The following PDSS2 variants were observed in gnomAD, a reference collection of about 807,000 sequenced individuals.
PDSS2 encodes decaprenyl diphosphate synthase subunit 2, also known as all trans-polyprenyl-diphosphate synthase PDSS2.
PDSS2 carries 31 observed loss-of-function variants against 44.5 expected under a neutral mutation model. That is an observed-to-expected ratio of 0.70 (90% CI 0.52 to 0.94). The LOEUF (loss-of-function observed/expected upper bound fraction) is 0.94. Among genes scored for constraint, PDSS2 ranks in the 40% least tolerant of loss-of-function variants. PDSS2 has a pLI of 0.00. For missense variants in PDSS2, 452 were observed against 482.2 expected (o/e 0.94, Z 0.59); for synonymous variants, 157 against 180.3 (o/e 0.87, Z 1.03).
chr6:107,377,581 G>A (rs138744262), intron 1 of PDSS2, among the ~76,000 whole-genome samples: 7,340 of 152,036 alleles, frequency 0.048, 349 homozygotes, highest in African/African-American at 0.12. Context: ...AAAGACACAC[G>A]CACACATATG....
intron 1 of PDSS2, among the ~76,000 whole-genome samples, chr6:107,353,247 T>C (rs796644817): frequency 6.6e-6 from 1 of 152,304 alleles, no homozygotes; most frequent in African/African-American, 2.4e-5. Context: ...AAACAACACA[T>C]GTGGATGTAC....
intron 1 of PDSS2, among the ~76,000 whole-genome samples, chr6:107,342,681 T>C (rs1286565656): frequency 6.6e-6 from 1 of 152,206 alleles, no homozygotes; most frequent in Non-Finnish European, 1.5e-5. Flanking sequence ...ATAAGTGTAC[T>C]TCCAGACAGA....
chr6:107,260,189 G>C (rs1389645653), intron 3 of PDSS2, among the ~76,000 whole-genome samples: 5 of 152,178 alleles, frequency 3.3e-5, no homozygotes, highest in Non-Finnish European at 7.3e-5. Flanking sequence ...GACCTGTTGG[G>C]CTAATGGCCT....
At chr6:107,429,901 A>AAATATAT (rs1166637352) in intron 1 of PDSS2, among the ~76,000 whole-genome samples, 5 of 31,840 alleles carry the variant, frequency 1.6e-4, no homozygotes, top group African/African-American at 5.0e-4. Flanking sequence ...AAAAAAAAAA[A>AAATATAT]ATATATATAT....
intron 2 of PDSS2, among the ~76,000 whole-genome samples, chr6:107,321,345 A>G (rs1777376171): frequency 6.6e-6 from 1 of 152,212 alleles, no homozygotes; most frequent in African/African-American, 2.4e-5. Flanking sequence ...AGGTTGGAAG[A>G]TGATTAAGAC....
intron 2 of PDSS2, among the ~76,000 whole-genome samples, chr6:107,314,217 T>TCA (rs112547874): frequency 9.1e-4 from 137 of 150,946 alleles, no homozygotes; most frequent in East Asian, 1.9e-3. Context: ...TGGAGATGAT[T>TCA]CACACACACA....
chr6:107,185,987 T>C (rs975511171), intron 7 of PDSS2, among the ~76,000 whole-genome samples: 4 of 152,250 alleles, frequency 2.6e-5, no homozygotes, highest in Non-Finnish European at 5.9e-5. Flanking sequence ...CTAATACAAC[T>C]TCTGCAGTTT....
intron 2 of PDSS2, among the ~76,000 whole-genome samples, chr6:107,324,036 G>C (rs377008071): frequency 6.6e-6 from 1 of 152,260 alleles, no homozygotes; most frequent in East Asian, 1.9e-4. Context: ...AAGCTCTGGT[G>C]AAGTAATGAC....
At chr6:107,380,926 C>G (rs1779435672) in intron 1 of PDSS2, among the ~76,000 whole-genome samples, 1 of 152,024 alleles carries the variant, frequency 6.6e-6, no homozygotes, top group Non-Finnish European at 1.5e-5. Context: ...TCTTTCTTTC[C>G]TCAAAAGTAG....
chr6:107,329,039 C>T lies in PDSS2; in HGVS notation c.431+5159G>A, dbSNP rs74943497. ...CTTTCCCTCTCAGCTTTTGCCTAGA[C>T]GACTTCACTAATTCCCTGGCTGACT... On this transcript the variant is annotated intron_variant, in intron 2 of 7. Transcript: ENST00000369037. 2.5e-3 allele frequency among the ~76,000 whole-genome samples: 379 copies of T among 152,332 alleles called. 5 individuals carry two copies. The highest frequency in any genetic ancestry group is 8.9e-3 in the African/African-American group (368 of 41,574).
chr6:107,374,253 C>CAAAAAA (rs3033569), intron 1 of PDSS2, among the ~76,000 whole-genome samples: 16 of 70,406 alleles, frequency 2.3e-4, no homozygotes, highest in East Asian at 6.3e-4. Context: ...GACTCCATCA[C>CAAAAAA]AAAAAAAAAA....
At chr6:107,307,164 G>T (rs565534425) in intron 2 of PDSS2, among the ~76,000 whole-genome samples, 1 of 152,176 alleles carries the variant, frequency 6.6e-6, no homozygotes, top group African/African-American at 2.4e-5. Context: ...ACTTTAGAAG[G>T]ATGTCCAAAT....
At chr6:107,370,661 C>A (rs1411481741) in intron 1 of PDSS2, among the ~76,000 whole-genome samples, 1 of 152,128 alleles carries the variant, frequency 6.6e-6, no homozygotes, top group Admixed American at 6.5e-5. Flanking sequence ...GCAGGATATT[C>A]AAGTATCAAT....
At chr6:107,426,931 C>CT (rs1249518598) in intron 1 of PDSS2, among the ~76,000 whole-genome samples, 1 of 152,024 alleles carries the variant, frequency 6.6e-6, no homozygotes, top group Admixed American at 6.6e-5. Context: ...AGATGAGTTA[C>CT]TGGACTGTGG....
intron 1 of PDSS2, among the ~76,000 whole-genome samples, chr6:107,375,253 G>GAAAACAGA (rs779203049): frequency 6.7e-4 from 101 of 151,830 alleles, no homozygotes; most frequent in Non-Finnish European, 1.2e-3. Flanking sequence ...TGATAAAACA[G>GAAAACAGA]AAAACAGAAA....
At chr6:107,413,294 C>A (rs1780560747) in intron 1 of PDSS2, among the ~76,000 whole-genome samples, 1 of 152,168 alleles carries the variant, frequency 6.6e-6, no homozygotes, top group South Asian at 2.1e-4. Context: ...ATAATCCCAG[C>A]ACTTTTGGGA....
intron 3 of PDSS2, among the ~76,000 whole-genome samples, chr6:107,266,265 G>C (rs189542775): frequency 2.0e-5 from 3 of 152,258 alleles, no homozygotes; most frequent in African/African-American, 7.2e-5. Context: ...CTGTTCACCT[G>C]ATTTGGAAAT....
intron 7 of PDSS2, among the ~76,000 whole-genome samples, chr6:107,165,440 G>A (rs1771308099): frequency 6.6e-6 from 1 of 152,100 alleles, no homozygotes; most frequent in Non-Finnish European, 1.5e-5. Flanking sequence ...CCCATTTCTT[G>A]GTTTTGTCAG....
chr6:107,173,125 A>G (rs1452180839), intron 7 of PDSS2, among the ~76,000 whole-genome samples: 1 of 149,420 alleles, frequency 6.7e-6, no homozygotes, highest in Non-Finnish European at 1.5e-5. Flanking sequence ...TCTGTCTCAA[A>G]AAAAAAAAAA....
Sources: allele counts gnomAD v4.1 joint callset (sites outside exome capture counted in the v4.1 genomes callset), GRCh38; gene constraint gnomAD v4.1.1; transcripts MANE v1.5; gene names NCBI Gene and HGNC (gene_info 2026-07-23, HGNC 2026-07-21).